The following AGPS variants were observed in gnomAD, a reference collection of about 807,000 sequenced individuals.
AGPS encodes alkyldihydroxyacetonephosphate synthase, peroxisomal.
AGPS carries 26 observed loss-of-function variants against 90.7 expected under a neutral mutation model. The ratio of observed to expected loss-of-function variants is 0.29; its 90% CI spans 0.21 to 0.40. The LOEUF (loss-of-function observed/expected upper bound fraction) is 0.40. AGPS is among the 10% of genes least tolerant of loss of function. The pLI is 1.00. For missense variants in AGPS, 540 were observed against 816.1 expected (o/e 0.66, Z 4.12); for synonymous variants, 294 against 285.3 (o/e 1.03, Z -0.31).
chr2:177,469,005 A>T (rs564825773), intron 10 of AGPS, among the ~76,000 whole-genome samples: 1 of 152,208 alleles, frequency 6.6e-6, no homozygotes, highest in South Asian at 2.1e-4. Context: ...TTAATTTTTC[A>T]CTACACAAAT....
intron 1 of AGPS, 99 bp from the exon 2 acceptor site, chr2:177,420,170 A>G (rs1179300455): frequency 2.6e-6 from 2 of 773,636 alleles, no homozygotes; most frequent in African/African-American, 3.5e-5. Flanking sequence ...TGTGGGCATA[A>G]GGTATTTTAG....
chr2:177,518,691 C>CA (rs1247841761), intron 17 of AGPS, among the ~76,000 whole-genome samples: 1 of 126,310 alleles, frequency 7.9e-6, no homozygotes, highest in Non-Finnish European at 1.6e-5. Context: ...TTGCCACTAT[C>CA]TATCTGTCTG....
At chr2:177,445,203 C>G (rs980263523) in intron 7 of AGPS, among the ~76,000 whole-genome samples, 1 of 152,120 alleles carries the variant, frequency 6.6e-6, no homozygotes, top group Non-Finnish European at 1.5e-5. Flanking sequence ...GTAGCCAACA[C>G]TTTATGTATT....
chr2:177,456,604 T>G (rs546584403), intron 8 of AGPS, among the ~76,000 whole-genome samples: 3 of 152,288 alleles, frequency 2.0e-5, no homozygotes, highest in South Asian at 4.1e-4. Context: ...AACATCTGGT[T>G]TTTTTGGTAT....
intron 11 of AGPS, among the ~76,000 whole-genome samples, chr2:177,486,096 AAT>A (rs1391509476): frequency 6.6e-6 from 1 of 152,198 alleles, no homozygotes; most frequent in Non-Finnish European, 1.5e-5. Flanking sequence ...TAGAAATACA[AAT>A]ATTATGGACT....
At chr2:177,451,236 A>G (rs1046950838) in intron 8 of AGPS, among the ~76,000 whole-genome samples, 2 of 152,060 alleles carry the variant, frequency 1.3e-5, no homozygotes, top group Non-Finnish European at 2.9e-5. Context: ...GATTATCGGT[A>G]TGAGCCACCA....
chr2:177,484,674 T>C (rs1688044480), intron 11 of AGPS, among the ~76,000 whole-genome samples: 1 of 152,066 alleles, frequency 6.6e-6, no homozygotes, highest in African/African-American at 2.4e-5. Context: ...GAATTGTAGT[T>C]CATGTCATTT....
At position 177,471,354 on chromosome 2, in the gene AGPS, G is replaced by A. The variant is rs140483167; in HGVS notation, c.1105+2830G>A. Among the ~76,000 whole-genome samples the A allele has an allele frequency of 2.3e-3, 353 of 152,088 alleles. 1 individual carries two copies. The highest frequency in any genetic ancestry group is 7.4e-3 in the African/African-American group (309 of 41,496). Reference sequence around the variant, plus strand: ...TTCTCCATCCGACTAAGCTCTATACGTGATTAACCATATTAAGTTTAATGT... The same window carrying A: ...TTCTCCATCCGACTAAGCTCTATACATGATTAACCATATTAAGTTTAATGT... On this transcript the variant is annotated intron_variant, in intron 10 of 19. Coordinates refer to ENST00000264167, the MANE Select transcript of AGPS (RefSeq NM_003659.4).
intron 1 of AGPS, among the ~76,000 whole-genome samples, chr2:177,415,895 C>A (rs1198662735): frequency 2.0e-5 from 3 of 151,742 alleles, no homozygotes; most frequent in Non-Finnish European, 4.4e-5. Context: ...TATATCAGGG[C>A]AAGAGGAAAT....
intron 1 of AGPS, among the ~76,000 whole-genome samples, chr2:177,403,028 G>A (rs1307452480): frequency 6.6e-6 from 1 of 152,178 alleles, no homozygotes; most frequent in Non-Finnish European, 1.5e-5. Context: ...CTGCACTCCA[G>A]CCTGGGTGAC....
intron 11 of AGPS, among the ~76,000 whole-genome samples, chr2:177,488,342 A>G (rs372274045): frequency 1.3e-5 from 2 of 151,706 alleles, no homozygotes; most frequent in East Asian, 3.9e-4. Flanking sequence ...GCTCCTGAGT[A>G]GCTGGGACTA....
chr2:177,441,488 G>C (rs1174224368), intron 6 of AGPS: 1 of 153,910 alleles, frequency 6.5e-6, no homozygotes, highest in African/African-American at 2.4e-5. Flanking sequence ...ATGCAAAAAA[G>C]GCACTAAAAT....
chr2:177,499,599 A>ATT lies in AGPS; in HGVS notation c.1363-19_1363-18insTT. Reference sequence around the variant, plus strand: ...AGGATAAGACTTATCTGTAATAATAAATTTTTTTTTTTTTGTAGTTTAAAG... The same window carrying ATT: ...AGGATAAGACTTATCTGTAATAATAATTATTTTTTTTTTTTTGTAGTTTAAAG... On this transcript the variant is annotated intron_variant, in intron 13 of 19. Transcript: ENST00000264167. 7.2e-7 allele frequency: 1 copy of ATT among 1,397,842 alleles called. No homozygotes were observed. Among genetic ancestry groups the ATT allele is most frequent in the Non-Finnish European group, 1.0e-6 (1 of 988,406 alleles). The allele number at this position is 1,397,842 out of a possible 1,614,324, so 86.6% of individuals were successfully genotyped here. A position where few individuals can be genotyped will look rare whatever the true frequency, so the allele number is the denominator to read the frequency against.
intron 2 of AGPS, among the ~76,000 whole-genome samples, chr2:177,431,197 G>A (rs1686232772): frequency 6.6e-6 from 1 of 152,150 alleles, no homozygotes; most frequent in Non-Finnish European, 1.5e-5. Flanking sequence ...GGTCCATAAT[G>A]CCCCCTGAGC....
intron 19 of AGPS, among the ~76,000 whole-genome samples, chr2:177,524,856 G>A (rs912419919): frequency 6.6e-6 from 1 of 152,146 alleles, no homozygotes; most frequent in African/African-American, 2.4e-5. Flanking sequence ...GTTGGAAAAG[G>A]AGTGGACTAT....
intron 1 of AGPS, among the ~76,000 whole-genome samples, chr2:177,419,803 G>A (rs1685893721): frequency 6.6e-6 from 1 of 151,750 alleles, no homozygotes; most frequent in African/African-American, 2.4e-5. Flanking sequence ...ACTTTATTGT[G>A]TCTACTACTA....
intron 19 of AGPS, among the ~76,000 whole-genome samples, chr2:177,534,029 G>C (rs532764778): frequency 2.0e-5 from 3 of 152,072 alleles, no homozygotes; most frequent in South Asian, 2.1e-4. Context: ...TTTTTAATAA[G>C]TCTATAATCT....
chr2:177,426,365 C>G (rs1267316574), intron 2 of AGPS, among the ~76,000 whole-genome samples: 2 of 152,148 alleles, frequency 1.3e-5, no homozygotes, highest in African/African-American at 4.8e-5. Context: ...TCCTCTCTTC[C>G]TATTTGAATT....
chr2:177,419,330 G>T (rs1018573764), intron 1 of AGPS, among the ~76,000 whole-genome samples: 2 of 151,896 alleles, frequency 1.3e-5, no homozygotes, highest in African/African-American at 2.4e-5. Context: ...TAACTTTCAA[G>T]ATAGAAAAGG....
Sources: gnomAD v4.1 joint callset for allele counts (sites outside exome capture counted in the v4.1 genomes callset) on GRCh38, gnomAD v4.1.1 for gene constraint, MANE v1.5 for transcripts, NCBI Gene and HGNC (gene_info 2026-07-23, HGNC 2026-07-21) for gene names.